NOL4: variants seen among roughly 807,000 people sequenced by gnomAD.
NOL4 encodes cancer/testis antigen 125.
In NOL4, 17 loss-of-function variants were observed where a neutral mutation model predicts 75.9. The ratio of observed to expected loss-of-function variants is 0.22; its 90% CI spans 0.15 to 0.34. The LOEUF (loss-of-function observed/expected upper bound fraction) is 0.34. Among genes scored for constraint, NOL4 ranks in the 10% least tolerant of loss-of-function variants. The pLI is 1.00. For missense variants in NOL4, 614 were observed against 793.5 expected (o/e 0.77, Z 2.72); for synonymous variants, 292 against 289.9 (o/e 1.01, Z -0.07).
At chr18:34,103,329 T>C (rs984282350) in intron 4 of NOL4, among the ~76,000 whole-genome samples, 1 of 152,042 alleles carries the variant, frequency 6.6e-6, no homozygotes, top group African/African-American at 2.4e-5. Flanking sequence ...TTTTGGAGAA[T>C]ATAAACCATA....
chr18:34,109,032 TAGA>T (rs1366640838), intron 2 of NOL4, among the ~76,000 whole-genome samples: 4 of 151,814 alleles, frequency 2.6e-5, no homozygotes, highest in Admixed American at 2.6e-4. Context: ...AAATCAATAA[TAGA>T]AGAAAAATTG....
intron 9 of NOL4, among the ~76,000 whole-genome samples, chr18:33,909,049 A>G (rs1200041906): frequency 6.6e-6 from 1 of 152,152 alleles, no homozygotes; most frequent in African/African-American, 2.4e-5. Context: ...TTTTATTTCC[A>G]TTAAGAACAA....
chr18:34,031,261 C>T (rs1331570172), intron 5 of NOL4, among the ~76,000 whole-genome samples: 2 of 152,282 alleles, frequency 1.3e-5, no homozygotes, highest in African/African-American at 2.4e-5. Context: ...TGCAGTGCTT[C>T]TCAAACTCTC....
chr18:34,017,221 A>G (rs1378479479), intron 6 of NOL4, among the ~76,000 whole-genome samples: 2 of 152,096 alleles, frequency 1.3e-5, no homozygotes, highest in African/African-American at 4.8e-5. Context: ...TATTGTCTGT[A>G]CTTGTTCTAA....
chr18:33,902,594 C>G (rs954696851), intron 9 of NOL4, among the ~76,000 whole-genome samples: 1 of 152,120 alleles, frequency 6.6e-6, no homozygotes, highest in East Asian at 1.9e-4. Flanking sequence ...AAGAGTCATG[C>G]ATTTCCATGA....
At chr18:33,975,571 A>G (rs1033505340) in intron 6 of NOL4, among the ~76,000 whole-genome samples, 2 of 152,138 alleles carry the variant, frequency 1.3e-5, no homozygotes, top group African/African-American at 4.8e-5. Flanking sequence ...CAGGAGTTTG[A>G]GACCAGACTT....
intron 5 of NOL4, among the ~76,000 whole-genome samples, chr18:34,064,064 C>A (rs1219335822): frequency 6.6e-6 from 1 of 151,950 alleles, no homozygotes; most frequent in Non-Finnish European, 1.5e-5. Context: ...TATGAGACTA[C>A]AAAGACCATC....
chr18:34,071,490 T>C (rs1459070428), intron 5 of NOL4, among the ~76,000 whole-genome samples: 3 of 149,784 alleles, frequency 2.0e-5, no homozygotes, highest in African/African-American at 7.4e-5. Context: ...GACTTAACGA[T>C]GGTTCAGTTT....
intron 8 of NOL4, among the ~76,000 whole-genome samples, chr18:33,944,794 G>C (rs2068727155): frequency 6.6e-6 from 1 of 151,852 alleles, no homozygotes; most frequent in Admixed American, 6.6e-5. Flanking sequence ...AAAGATGTAA[G>C]CATAATTTCA....
At chr18:33,908,281 T>G (rs899198708) in intron 9 of NOL4, among the ~76,000 whole-genome samples, 4 of 152,196 alleles carry the variant, frequency 2.6e-5, no homozygotes, top group Non-Finnish European at 5.9e-5. Flanking sequence ...AATTTTCATC[T>G]TTTCATATTT....
At chr18:34,021,470 A>C (rs2075033945) in intron 5 of NOL4, among the ~76,000 whole-genome samples, 1 of 152,214 alleles carries the variant, frequency 6.6e-6, no homozygotes, top group Non-Finnish European at 1.5e-5. Flanking sequence ...ACAGAAGAAA[A>C]AAAGAGAATA....
chr18:33,919,365 A>G (rs993448012), intron 9 of NOL4, among the ~76,000 whole-genome samples: 3 of 152,062 alleles, frequency 2.0e-5, no homozygotes, highest in African/African-American at 7.2e-5. Flanking sequence ...AGGAATTTGA[A>G]CCCAGGCAGC....
chr18:33,894,480 A>G (rs1425075339), intron 9 of NOL4, among the ~76,000 whole-genome samples: 1 of 152,102 alleles, frequency 6.6e-6, no homozygotes. Flanking sequence ...CTTTACAAAG[A>G]TGCTCCCAAA....
chr18:34,139,958 G>C (rs2081070875), intron 1 of NOL4, among the ~76,000 whole-genome samples: 1 of 152,164 alleles, frequency 6.6e-6, no homozygotes, highest in South Asian at 2.1e-4. Context: ...TTCAGGAGCA[G>C]GTTGTTCGGT....
At chr18:33,902,765 G>A (rs1439303515) in intron 9 of NOL4, among the ~76,000 whole-genome samples, 1 of 151,880 alleles carries the variant, frequency 6.6e-6, no homozygotes. Flanking sequence ...GTTTTTCTTT[G>A]CCTTTTTCGT....
At chr18:33,998,307 A>C (rs1407787021) in intron 6 of NOL4, among the ~76,000 whole-genome samples, 1 of 152,084 alleles carries the variant, frequency 6.6e-6, no homozygotes, top group Admixed American at 6.6e-5. Flanking sequence ...CTAAAAAAGA[A>C]AGAGTTGATG....
At chr18:34,021,787 C>T (rs1255009982) in intron 5 of NOL4, among the ~76,000 whole-genome samples, 1 of 151,978 alleles carries the variant, frequency 6.6e-6, no homozygotes, top group Non-Finnish European at 1.5e-5. Flanking sequence ...ATGGAATAGG[C>T]AAGAGTCTAA....
Position 34,223,263 on chromosome 18 carries a change from G to C in NOL4, c.-10C>G, listed in dbSNP as rs1386631710. 6.2e-7 allele frequency: 1 copy of C among 1,611,766 alleles called. No homozygotes were observed. The highest frequency in any genetic ancestry group is 1.7e-5 in the Admixed American group (1 of 59,976). On this transcript the variant is annotated 5_prime_UTR_variant, in exon 1 of 11. Coordinates refer to ENST00000261592, the MANE Select transcript of NOL4 (RefSeq NM_003787.5). ...CGCGCTCGCTCTCCATGTTCCCCGCGCTCGGCCGCTGGCCGGATGCTCCCA... is the reference window on the plus strand; with the variant it reads ...CGCGCTCGCTCTCCATGTTCCCCGCCCTCGGCCGCTGGCCGGATGCTCCCA...
chr18:34,182,310 C>A (rs1228304669), intron 1 of NOL4, among the ~76,000 whole-genome samples: 2 of 151,518 alleles, frequency 1.3e-5, no homozygotes, highest in Non-Finnish European at 3.0e-5. Context: ...AGGAAGTTCC[C>A]ATACTGTATC....
Sources: allele counts gnomAD v4.1 joint callset (sites outside exome capture counted in the v4.1 genomes callset), GRCh38; gene constraint gnomAD v4.1.1; transcripts MANE v1.5; gene names NCBI Gene and HGNC (gene_info 2026-07-23, HGNC 2026-07-21).